The following XKR4 variants were observed in gnomAD, a reference collection of about 807,000 sequenced individuals.
The protein encoded by XKR4 is XK related 4.
Under a neutral mutation model 53.9 loss-of-function variants are expected in XKR4, and 12 were observed. That is an observed-to-expected ratio of 0.22 (90% CI 0.14 to 0.36). The LOEUF (loss-of-function observed/expected upper bound fraction) is 0.36. XKR4 is among the 10% of genes least tolerant of loss of function. The pLI is 1.00. For synonymous variants in XKR4, 354 were observed against 362.4 expected (o/e 0.98, Z 0.26); for missense variants, 799 against 859.5 (o/e 0.93, Z 0.88).
At chr8:55,237,999 A>G (rs10958452) in intron 1 of XKR4, among the ~76,000 whole-genome samples, 35,905 of 152,116 alleles carry the variant, frequency 0.24, 4,683 homozygotes, top group East Asian at 0.47. Context: ...GGAAAAAAAG[A>G]AAAGAAACAA....
intron 1 of XKR4, chr8:55,164,048 A>G: frequency 2.8e-6 from 1 of 358,396 alleles, no homozygotes; most frequent in Non-Finnish European, 5.6e-6. Context: ...CATGCACACA[A>G]CTGTTTCAGG....
chr8:55,131,140 C>G (rs185706203), intron 1 of XKR4, among the ~76,000 whole-genome samples: 19 of 133,060 alleles, frequency 1.4e-4, no homozygotes, highest in Non-Finnish European at 2.9e-4. Flanking sequence ...GCCTGGGCAA[C>G]AAGAGCGAAA....
At chr8:55,462,095 C>G (rs1296455465) in intron 2 of XKR4, among the ~76,000 whole-genome samples, 3 of 152,154 alleles carry the variant, frequency 2.0e-5, no homozygotes, top group African/African-American at 7.2e-5. Context: ...CAAGGCAGGT[C>G]AACATTCAAA....
chr8:55,405,228 C>A (rs1308445127), intron 2 of XKR4, among the ~76,000 whole-genome samples: 1 of 152,138 alleles, frequency 6.6e-6, no homozygotes, highest in African/African-American at 2.4e-5. Context: ...GAATTGGACA[C>A]ATGTAGCGAA....
intron 2 of XKR4, among the ~76,000 whole-genome samples, chr8:55,505,979 C>A (rs1806520516): frequency 6.6e-6 from 1 of 152,204 alleles, no homozygotes. Flanking sequence ...TTTTCAAGAG[C>A]TGTCATATGT....
chr8:55,182,278 T>C (rs1817321000), intron 1 of XKR4, among the ~76,000 whole-genome samples: 1 of 152,142 alleles, frequency 6.6e-6, no homozygotes, highest in Non-Finnish European at 1.5e-5. Context: ...AAGTCCAGTT[T>C]ATCAATTTTT....
chr8:55,483,394 A>T (rs548431887), intron 2 of XKR4, among the ~76,000 whole-genome samples: 1 of 152,220 alleles, frequency 6.6e-6, no homozygotes, highest in Non-Finnish European at 1.5e-5. Flanking sequence ...CCAAAAAGGC[A>T]CATGTTAATG....
chr8:55,262,421 T>C (rs900179156), intron 1 of XKR4, among the ~76,000 whole-genome samples: 1 of 152,218 alleles, frequency 6.6e-6, no homozygotes, highest in Non-Finnish European at 1.5e-5. Context: ...GTTGAAGCCT[T>C]ACCCCCATTG....
In XKR4 at chr8:55,228,490, T is replaced by G. The variant is rs182693923; in HGVS notation, c.806+125196T>G. Among the ~76,000 whole-genome samples, 583 of 152,324 alleles carry G rather than the reference T, an allele frequency of 3.8e-3. 6 individuals carry two copies. Among genetic ancestry groups the G allele is most frequent in the African/African-American group, 0.012 (507 of 41,582 alleles). On this transcript the variant is annotated intron_variant, in intron 1 of 2. Coordinates refer to ENST00000327381, the MANE Select transcript of XKR4 (RefSeq NM_052898.2). Reference sequence around the variant, plus strand: ...ATTTATTATGTATTATTTATTTGACTTATTACAAGTTCTCATTCTCAGAAG... The same window carrying G: ...ATTTATTATGTATTATTTATTTGACGTATTACAAGTTCTCATTCTCAGAAG...
chr8:55,246,438 A>T (rs1210200476), intron 1 of XKR4, among the ~76,000 whole-genome samples: 1 of 152,184 alleles, frequency 6.6e-6, no homozygotes, highest in Non-Finnish European at 1.5e-5. Context: ...ATTAAAGAAC[A>T]TCTTGGTCTC....
Position 55,541,043 on chromosome 8 carries a change from G to C in XKR4, c.*16816G>C, listed in dbSNP as rs1807094049. On this transcript the variant is annotated 3_prime_UTR_variant, in exon 3 of 3. Transcript: ENST00000327381. Reference sequence around the variant, plus strand: ...ATATAAACCTGCTCCCAAATGGCAAGGATTTTTGCTACCAATATTTGTTCT... The same window carrying C: ...ATATAAACCTGCTCCCAAATGGCAACGATTTTTGCTACCAATATTTGTTCT... 1 of 152,124 alleles carries C rather than the reference G, an allele frequency of 6.6e-6. No individual in the cohort carries two copies. Among genetic ancestry groups the C allele is most frequent in the South Asian group, 2.1e-4 (1 of 4,832 alleles). The allele number at this position is 152,124 out of a possible 1,614,324, so 9.4% of individuals were successfully genotyped here.
intron 1 of XKR4, among the ~76,000 whole-genome samples, chr8:55,125,525 T>C (rs748577190): frequency 1.3e-5 from 2 of 152,248 alleles, no homozygotes; most frequent in Non-Finnish European, 2.9e-5. Context: ...TGAGCCACCA[T>C]GCCCAGCCTT....
intron 2 of XKR4, among the ~76,000 whole-genome samples, chr8:55,449,103 A>G (rs1805385157): frequency 6.6e-6 from 1 of 151,820 alleles, no homozygotes; most frequent in Admixed American, 6.6e-5. Context: ...AAAAACATAT[A>G]AAATTGTCGA....
chr8:55,294,850 G>A (rs1249025647), intron 1 of XKR4, among the ~76,000 whole-genome samples: 1 of 152,092 alleles, frequency 6.6e-6, no homozygotes, highest in Non-Finnish European at 1.5e-5. Flanking sequence ...ATACCATGGG[G>A]GAAAGACGAA....
chr8:55,188,471 A>G (rs1015495331), intron 1 of XKR4, among the ~76,000 whole-genome samples: 29 of 152,228 alleles, frequency 1.9e-4, no homozygotes, highest in African/African-American at 6.8e-4. Flanking sequence ...AATAGTAAGA[A>G]TAAGACCTCA....
chr8:55,194,585 A>G (rs1817481630), intron 1 of XKR4, among the ~76,000 whole-genome samples: 1 of 152,248 alleles, frequency 6.6e-6, no homozygotes, highest in Admixed American at 6.5e-5. Context: ...ATGGCTCTCA[A>G]CAGGATATGT....
intron 2 of XKR4, among the ~76,000 whole-genome samples, chr8:55,466,060 A>C (rs1328515382): frequency 1.3e-5 from 2 of 152,128 alleles, no homozygotes; most frequent in Non-Finnish European, 2.9e-5. Context: ...TAGTTCAACC[A>C]TTGTGGAAGT....
chr8:55,193,257 A>T (rs1393609772), intron 1 of XKR4, among the ~76,000 whole-genome samples: 1 of 151,338 alleles, frequency 6.6e-6, no homozygotes, highest in African/African-American at 2.4e-5. Flanking sequence ...TGATCAGTAG[A>T]TGTTTTTTCT....
chr8:55,255,373 A>T (rs1050015715), intron 1 of XKR4, among the ~76,000 whole-genome samples: 1 of 152,204 alleles, frequency 6.6e-6, no homozygotes, highest in Non-Finnish European at 1.5e-5. Context: ...AAAATTAGGT[A>T]CTTACTGTCT....
Sources: allele counts gnomAD v4.1 joint callset (sites outside exome capture counted in the v4.1 genomes callset), GRCh38; gene constraint gnomAD v4.1.1; transcripts MANE v1.5; gene names NCBI Gene and HGNC (gene_info 2026-07-23, HGNC 2026-07-21).